USP37: variants seen among roughly 807,000 people sequenced by gnomAD.
USP37 encodes the protein ubiquitin carboxyl-terminal hydrolase 37.
In USP37, 27 loss-of-function variants were observed where a neutral mutation model predicts 124.0. The ratio of observed to expected loss-of-function variants is 0.22; its 90% confidence interval spans 0.16 to 0.30. The LOEUF is 0.30. Among genes scored for constraint, USP37 ranks in the 10% least tolerant of loss-of-function variants. The probability of loss-of-function intolerance (pLI) is 1.00; values close to 1 mark genes in which losing one functional copy is unlikely to be tolerated. For synonymous variants in USP37, 365 were observed against 388.0 expected (o/e 0.94, Z 0.70); for missense variants, 889 against 1,140.4 (o/e 0.78, Z 3.17).
chr2:218,505,423 GT>G (rs1485729711), intron 11 of USP37, among the ~76,000 whole-genome samples: 2 of 152,094 alleles, frequency 1.3e-5, no homozygotes, highest in Non-Finnish European at 2.9e-5. Flanking sequence ...TTTTGTCAAT[GT>G]TTCTCCAGTT....
intron 11 of USP37, chr2:218,500,986 C>T (rs1416690907): frequency 6.1e-6 from 1 of 165,164 alleles, no homozygotes; most frequent in Non-Finnish European, 1.5e-5. Context: ...GCCAAATCAA[C>T]CCTGGTGAAC....
At position 218,513,293 on chromosome 2, in the gene USP37, A is replaced by C. The variant is rs538483206; in HGVS notation, c.864-3153T>G. 4.0e-4 allele frequency among the ~76,000 whole-genome samples: 61 copies of C among 152,270 alleles called. No individual in the cohort carries two copies. In the South Asian group the frequency reaches 0.012, roughly 29 times the overall value. On this transcript the variant is annotated intron_variant, in intron 10 of 25. Transcript: ENST00000258399. The stretch of plus-strand genomic sequence containing the variant: ...TGATACTCTCATCCTGGCCTCTCCA[A>C]GTGCTACGATTACAGGCGTGAGCCA...
At position 218,468,763 on chromosome 2, in the gene USP37, G is replaced by A. The variant is rs1019974122; in HGVS notation, c.2300-2587C>T. ...GGCTGGAGTACAGTGGCACAATCTC[G>A]GCTCACTGCAACCTCCAACTCCCGG... On this transcript the variant is annotated intron_variant, in intron 20 of 25. Transcript: ENST00000258399. 3.3e-5 allele frequency among the ~76,000 whole-genome samples: 5 copies of A among 151,882 alleles called. No individual in the cohort carries two copies. In the East Asian group the frequency reaches 5.8e-4, roughly 18 times the overall value.
intron 8 of USP37, among the ~76,000 whole-genome samples, chr2:218,537,009 G>C (rs903142565): frequency 6.6e-6 from 1 of 151,998 alleles, no homozygotes; most frequent in Non-Finnish European, 1.5e-5. Context: ...GATCGTATTG[G>C]GGTAATGGAA....
At chr2:218,551,573 C>G (rs1692664995) in intron 5 of USP37, among the ~76,000 whole-genome samples, 1 of 152,202 alleles carries the variant, frequency 6.6e-6, no homozygotes, top group African/African-American at 2.4e-5. Context: ...TATTTATGGC[C>G]AAAGCCCATA....
intron 9 of USP37, among the ~76,000 whole-genome samples, chr2:218,530,327 T>G (rs755509980): frequency 2.0e-5 from 3 of 152,240 alleles, no homozygotes; most frequent in Non-Finnish European, 2.9e-5. Context: ...TTCATGTCTA[T>G]GTCACATTTT....
chr2:218,553,574 G>C lies in USP37; in HGVS notation c.307C>G (p.His103Asp). 2 of 1,613,398 alleles carry C rather than the reference G, an allele frequency of 1.2e-6. No homozygotes were observed. Among genetic ancestry groups the C allele is most frequent in the Non-Finnish European group, 1.7e-6 (2 of 1,179,654 alleles). The change falls in exon 5 of 26, where the codon CAT becomes GAT. Residue 103 changes from histidine to aspartate, a missense_variant. This residue lies in a region of USP37 where 374 missense variants were observed against 386.0 expected (regional missense o/e 0.97). Transcript: ENST00000258399. Reference protein sequence around the residue: ...EEMRLFLDAVHQNRLPAAMKP... With the variant: ...EEMRLFLDAVDQNRLPAAMKP... Reference sequence around the variant, plus strand: ...TCACCTGCAGGAAGTCTGTTTTGATGGACTGCATCTAGAAACAACCTCATT... The same window carrying C: ...TCACCTGCAGGAAGTCTGTTTTGATCGACTGCATCTAGAAACAACCTCATT...
At chr2:218,463,854 ATT>A (rs965382526) in intron 21 of USP37, among the ~76,000 whole-genome samples, 15 of 48,864 alleles carry the variant, frequency 3.1e-4, no homozygotes, top group Admixed American at 7.0e-4. Flanking sequence ...ATTTTTTAAG[ATT>A]TTTTTTTTTT....
chr2:218,556,393 A>G (rs1205341998), intron 4 of USP37, among the ~76,000 whole-genome samples: 2 of 142,250 alleles, frequency 1.4e-5, no homozygotes, highest in Non-Finnish European at 1.5e-5. Flanking sequence ...GCAAACTTCT[A>G]TTTATTCTTT....
Position 218,509,647 on chromosome 2 carries a change from G to A in USP37, c.1025+332C>T, listed in dbSNP as rs575139397. ...GTTATTATACTATGATCTCATTTTTGTGTTTAATATATATATAACCATGAA... is the reference window on the plus strand; with the variant it reads ...GTTATTATACTATGATCTCATTTTTATGTTTAATATATATATAACCATGAA... On this transcript the variant is annotated intron_variant, in intron 11 of 25. Coordinates refer to ENST00000258399, the MANE Select transcript of USP37 (RefSeq NM_020935.3). 2.0e-5 allele frequency among the ~76,000 whole-genome samples: 3 copies of A among 151,990 alleles called. No individual in the cohort carries two copies. The South Asian group carries it at 6.2e-4, about 32-fold the overall frequency.
chr2:218,483,255 C>G (rs777752751), intron 16 of USP37, among the ~76,000 whole-genome samples: 4 of 152,154 alleles, frequency 2.6e-5, no homozygotes, highest in Admixed American at 1.3e-4. Flanking sequence ...TCTGGACACA[C>G]TGCCTATAGT....
chr2:218,464,643 C>T (rs927005345), intron 21 of USP37, among the ~76,000 whole-genome samples: 2 of 152,194 alleles, frequency 1.3e-5, no homozygotes, highest in Non-Finnish European at 2.9e-5. Flanking sequence ...ACTAACATGA[C>T]TTGGATTGCA....
At position 218,558,564 on chromosome 2, in the gene USP37, TA is replaced by T. The variant is rs1433655021; in HGVS notation, c.89del (p.Val30GlufsTer9). The T allele has an allele frequency of 1.2e-6, 2 of 1,613,582 alleles. No homozygotes were observed. The highest frequency in any genetic ancestry group is 1.7e-6 in the Non-Finnish European group (2 of 1,179,864). ...CTAGGCTGACTTTATTCTCTTTTTC[TA>T]CAATTTCAAAGGATCCTTCTTTCCA... ...TKWKEGSFEI[V>X]EKENKVSLVV... On this transcript the variant is annotated frameshift_variant, in exon 4 of 26. Transcript: ENST00000258399. LOFTEE classifies it high-confidence loss of function.
rs563638897 is a variant in USP37, at chr2:218,531,483, T to C, written c.779-1443A>G. 9.2e-5 allele frequency among the ~76,000 whole-genome samples: 14 copies of C among 152,352 alleles called. No homozygotes were observed. The East Asian group carries it at 2.7e-3, about 29-fold the overall frequency. ...GCACCTAGTAACACAAGAGCTCTGA[T>C]GGAGACATACAAAGATAATGTTGTT... On this transcript the variant is annotated intron_variant, in intron 9 of 25. Coordinates refer to ENST00000258399, the MANE Select transcript of USP37 (RefSeq NM_020935.3).
intron 20 of USP37, among the ~76,000 whole-genome samples, chr2:218,468,775 C>A (rs1156909404): frequency 1.3e-5 from 2 of 152,062 alleles, no homozygotes; most frequent in African/African-American, 2.4e-5. Context: ...CTCACTGCAA[C>A]CTCCAACTCC....
chr2:218,503,387 A>G (rs74513777), intron 11 of USP37, among the ~76,000 whole-genome samples: 1 of 152,274 alleles, frequency 6.6e-6, no homozygotes. Flanking sequence ...CTGTAAAAAA[A>G]TCCTAACTAC....
chr2:218,545,343 T>G (rs888707235), intron 8 of USP37, among the ~76,000 whole-genome samples: 2 of 152,170 alleles, frequency 1.3e-5, no homozygotes, highest in Non-Finnish European at 2.9e-5. Context: ...TCTCTTCAAC[T>G]AATAGAAATG....
chr2:218,508,132 C>A (rs950388780), intron 11 of USP37, among the ~76,000 whole-genome samples: 1 of 152,156 alleles, frequency 6.6e-6, no homozygotes, highest in Non-Finnish European at 1.5e-5. Flanking sequence ...TGTCTCCTAG[C>A]AATGCTGAAG....
rs569030611 is a variant in USP37, at chr2:218,500,512, G to A, written c.1026-2355C>T. On this transcript the variant is annotated intron_variant, in intron 11 of 25. Transcript: ENST00000258399. ...TCTGCCCGCCTTTGCCTCCCAAAGTGTTGGGATTACAGGCATGAGCCACCG... is the reference window on the plus strand; with the variant it reads ...TCTGCCCGCCTTTGCCTCCCAAAGTATTGGGATTACAGGCATGAGCCACCG... Among the ~76,000 whole-genome samples the A allele has an allele frequency of 2.0e-5, 3 of 152,214 alleles. No homozygotes were observed. In the South Asian group the frequency reaches 6.2e-4, roughly 32 times the overall value.
Sources: gnomAD v4.1 joint callset for allele counts (sites outside exome capture counted in the v4.1 genomes callset) on GRCh38, gnomAD v4.1.1 for gene constraint, gnomAD v4.1.1 regional missense constraint, MANE v1.5 for transcripts, NCBI Gene and HGNC (gene_info 2026-07-23, HGNC 2026-07-21) for gene names.